The following ADAM11 variants were observed in gnomAD, a reference collection of about 807,000 sequenced individuals.
ADAM11 encodes the protein disintegrin and metalloproteinase domain-containing protein 11.
In ADAM11, 49 loss-of-function variants were observed where a neutral mutation model predicts 119.1. The ratio of observed to expected loss-of-function variants is 0.41; its 90% confidence interval spans 0.33 to 0.52. The LOEUF is 0.52. Ranked by LOEUF, ADAM11 falls within the 20% of genes least tolerant of loss-of-function variation. ADAM11 has a pLI of 0.20. For missense variants in ADAM11, 777 were observed against 1,047.5 expected, an observed-to-expected ratio of 0.74 and a Z score of 3.56; for synonymous variants, 364 against 408.0, an observed-to-expected ratio of 0.89 and a Z score of 1.30.
At chr17:44,765,610 CTTTT>C (rs748123040) in intron 2 of ADAM11, among the ~76,000 whole-genome samples, 448 of 99,856 alleles carry the variant, frequency 4.5e-3, no homozygotes, top group African/African-American at 0.017. Flanking sequence ...TTTCTTTTCT[CTTTT>C]TTTTTTTTTT....
In ADAM11 at chr17:44,775,139, C is replaced by A; in HGVS notation, c.1221-73C>A. ...GTGACGAAGTCCCCCAGTGTACCCC[C>A]TCCCCAGCCTTGAGAGGGGTGAGGG... On this transcript the variant is annotated intron_variant, in intron 14 of 26. Coordinates refer to ENST00000200557, the MANE Select transcript of ADAM11 (RefSeq NM_002390.6). The surrounding 1 kb of genome is among the most constrained non-coding windows in gnomAD (Gnocchi z 7.5). 7.7e-7 allele frequency: 1 copy of A among 1,306,428 alleles called. No individual in the cohort carries two copies. The highest frequency in any genetic ancestry group is 1.1e-6 in the Non-Finnish European group (1 of 912,080). 80.9% of individuals were successfully genotyped at this position (1,306,428 alleles called of 1,614,324 possible).
In ADAM11 at chr17:44,776,299, C is replaced by T. The variant is rs1176187456; in HGVS notation, c.1566+92C>T. 5 of 1,351,252 alleles carry T rather than the reference C, an allele frequency of 3.7e-6. No homozygotes were observed. Among genetic ancestry groups the T allele is most frequent in the East Asian group, 2.3e-5 (1 of 43,280 alleles). The allele number at this position is 1,351,252 out of a possible 1,614,324, so 83.7% of individuals were successfully genotyped here. A position where few individuals can be genotyped will look rare whatever the true frequency, so the allele number is the denominator to read the frequency against. On this transcript the variant is annotated intron_variant, in intron 18 of 26. Coordinates refer to ENST00000200557, the MANE Select transcript of ADAM11 (RefSeq NM_002390.6). This position sits in a 1 kb window ranked among gnomAD's most constrained non-coding sequence, Gnocchi z 5.2. Reference sequence around the variant, plus strand: ...TTCCCGGACGAGTGCTCAGCACTCCCCTCCTCTCCACAGCTGGCATCGACC... The same window carrying T: ...TTCCCGGACGAGTGCTCAGCACTCCTCTCCTCTCCACAGCTGGCATCGACC...
intron 2 of ADAM11, 60 bp from the exon 3 acceptor site, chr17:44,769,658 C>A (rs2049492599): frequency 2.4e-6 from 3 of 1,224,622 alleles, no homozygotes; most frequent in African/African-American, 3.0e-5. Flanking sequence ...CCGGGATCCC[C>A]CCGACTCCCA....
chr17:44,772,514 G>GAGACCTCGGGCTGC lies in ADAM11; in HGVS notation c.678+51_678+52insCCTCGGGCTGCAGA. 4 of 1,544,456 alleles carry GAGACCTCGGGCTGC rather than the reference G, an allele frequency of 2.6e-6. No homozygotes were observed. Among genetic ancestry groups the GAGACCTCGGGCTGC allele is most frequent in the Non-Finnish European group, 3.5e-6 (4 of 1,143,040 alleles). On this transcript the variant is annotated intron_variant, in intron 8 of 26. Coordinates refer to ENST00000200557, the MANE Select transcript of ADAM11 (RefSeq NM_002390.6). This position sits in a 1 kb window ranked among gnomAD's most constrained non-coding sequence, Gnocchi z 4.5. ...CGGGCTGCAGAGACCTCGGGCTGCA[G>GAGACCTCGGGCTGC]AGAGACCTCAGGCCGTGGCCCAGAG...
At chr17:44,766,487 T>C (rs1404925182) in intron 2 of ADAM11, among the ~76,000 whole-genome samples, 1 of 151,616 alleles carries the variant, frequency 6.6e-6, no homozygotes, top group East Asian at 1.9e-4. Flanking sequence ...TCTAGGAGAG[T>C]GGGTGGGCCA....
chr17:44,777,046 C>T lies in ADAM11; in HGVS notation c.1681+84C>T. 1 of 1,552,676 alleles carries T rather than the reference C, an allele frequency of 6.4e-7. No individual in the cohort carries two copies. Among genetic ancestry groups the T allele is most frequent in the Middle Eastern group, 2.3e-4 (1 of 4,418 alleles). ...GGAGAGTGGGTTCCAGCTGAACAGG[C>T]CCCCAAGTGTGTAGCTCCCCAGGAT... On this transcript the variant is annotated intron_variant, in intron 20 of 26. Coordinates refer to ENST00000200557, the MANE Select transcript of ADAM11 (RefSeq NM_002390.6). This position sits in a 1 kb window ranked among gnomAD's most constrained non-coding sequence, Gnocchi z 5.1.
chr17:44,780,319 A>C lies in ADAM11; in HGVS notation c.*565A>C, dbSNP rs1057475161. The stretch of plus-strand genomic sequence containing the variant: ...TATGGCCATGCCCTAGACCCTCCCC[A>C]AGGATGACCACACCCGAAGTCCTGT... On this transcript the variant is annotated 3_prime_UTR_variant, in exon 27 of 27. Coordinates refer to ENST00000200557, the MANE Select transcript of ADAM11 (RefSeq NM_002390.6). 2.8e-6 allele frequency: 1 copy of C among 362,668 alleles called. No homozygotes were observed. The highest frequency in any genetic ancestry group is 3.9e-5 in the Admixed American group (1 of 25,612). 22.5% of individuals were successfully genotyped at this position (362,668 alleles called of 1,614,324 possible). A position where few individuals can be genotyped will look rare whatever the true frequency, so the allele number is the denominator to read the frequency against.
At chr17:44,765,674 G>T (rs534552805) in intron 2 of ADAM11, among the ~76,000 whole-genome samples, 73 of 139,474 alleles carry the variant, frequency 5.2e-4, no homozygotes, top group Non-Finnish European at 8.0e-4. Flanking sequence ...AGGCTGGAGT[G>T]CAGTGGCACG....
rs928596340 is a variant in ADAM11, at chr17:44,773,821, C to T, written c.992+394C>T. Among the ~76,000 whole-genome samples the T allele has an allele frequency of 6.6e-6, 1 of 152,088 alleles. No individual in the cohort carries two copies. Among genetic ancestry groups the T allele is most frequent in the African/African-American group, 2.4e-5 (1 of 41,406 alleles). ...CAAAAGAACCCAAGGAGGGGCCAGG[C>T]GTGGTGGCTCATGCCTGTAATCTCA... On this transcript the variant is annotated intron_variant, in intron 11 of 26. Coordinates refer to ENST00000200557, the MANE Select transcript of ADAM11 (RefSeq NM_002390.6). The surrounding 1 kb of genome is among the most constrained non-coding windows in gnomAD (Gnocchi z 4.6).
In ADAM11 at chr17:44,779,806, A is replaced by G; in HGVS notation, c.*52A>G. On this transcript the variant is annotated 3_prime_UTR_variant, in exon 27 of 27. Transcript: ENST00000200557. ...GCACCCACCGTCTCGGCCCTGAACC[A>G]CGAGGCTGCCCCCATCCAGCCACGG... 1 of 1,607,108 alleles carries G rather than the reference A, an allele frequency of 6.2e-7. No individual in the cohort carries two copies. Among genetic ancestry groups the G allele is most frequent in the Non-Finnish European group, 8.5e-7 (1 of 1,174,626 alleles).
In ADAM11 at chr17:44,777,057, G is replaced by A; in HGVS notation, c.1681+95G>A. The A allele has an allele frequency of 1.3e-6, 2 of 1,548,794 alleles. No homozygotes were observed. The highest frequency in any genetic ancestry group is 2.4e-5 in the South Asian group (2 of 83,712). Reference sequence around the variant, plus strand: ...TCCAGCTGAACAGGCCCCCAAGTGTGTAGCTCCCCAGGATCTCAGGGACCC... The same window carrying A: ...TCCAGCTGAACAGGCCCCCAAGTGTATAGCTCCCCAGGATCTCAGGGACCC... On this transcript the variant is annotated intron_variant, in intron 20 of 26. Transcript: ENST00000200557. This position sits in a 1 kb window ranked among gnomAD's most constrained non-coding sequence, Gnocchi z 5.1.
chr17:44,778,213 C>T lies in ADAM11; in HGVS notation c.2247C>T (p.Ile749=), dbSNP rs1233978504. The part of the protein sequence containing the change: ...SIAGAVLVAA[I]VLGGTGWGFK... ...CTGGGGCTGTCCTGGTTGCAGCCAT[C>T]GTCCTGGGCGGCACGGGCTGGGGAT... Residue 749 remains isoleucine, a synonymous_variant, in exon 25 of 27, where the codon ATC becomes ATT. Coordinates refer to ENST00000200557, the MANE Select transcript of ADAM11 (RefSeq NM_002390.6). 3.1e-6 allele frequency: 5 copies of T among 1,613,474 alleles called. No homozygotes were observed. Among genetic ancestry groups the T allele is most frequent in the Non-Finnish European group, 4.2e-6 (5 of 1,179,776 alleles).
chr17:44,775,644 T>G lies in ADAM11; in HGVS notation c.1453T>G (p.Cys485Gly), dbSNP rs1253144843. 1 of 1,591,770 alleles carries G rather than the reference T, an allele frequency of 6.3e-7. No homozygotes were observed. Among genetic ancestry groups the G allele is most frequent in the Non-Finnish European group, 8.5e-7 (1 of 1,170,526 alleles). Residue 485 changes from cysteine (C) to glycine (G), a missense_variant, in exon 17 of 27, where the codon TGC (cysteine) becomes GGC (glycine). By Grantham distance (159) the Cys-to-Gly change is radical. This residue lies in a region of ADAM11 where 348 missense variants were observed against 486.7 expected (regional missense o/e 0.72). Coordinates refer to ENST00000200557, the MANE Select transcript of ADAM11 (RefSeq NM_002390.6). This position sits in a 1 kb window ranked among gnomAD's most constrained non-coding sequence, Gnocchi z 7.5. ...ATGCACCCTGACTCACGACGCCATGTGCAGCGACGGGCTCTGCTGTCGCCG... is the reference window on the plus strand; with the variant it reads ...ATGCACCCTGACTCACGACGCCATGGGCAGCGACGGGCTCTGCTGTCGCCG... ...KKCTLTHDAM[C>G]SDGLCCRRCK...
In ADAM11 at chr17:44,777,212, G is replaced by T. The variant is rs147273221; in HGVS notation, c.1728G>T (p.Thr576=). ...ACGAGAAGCTGAATGTGGAGGGGAC[G>T]GAGCGTGGGAGCTGTGGGCGCAAGG... ...FCYEKLNVEG[T]ERGSCGRKGS... The change falls in exon 21 of 27, where the codon ACG becomes ACT. Residue 576 remains threonine (T), a synonymous_variant. Transcript: ENST00000200557. This position sits in a 1 kb window ranked among gnomAD's most constrained non-coding sequence, Gnocchi z 5.1. 6.2e-7 allele frequency: 1 copy of T among 1,609,028 alleles called. No homozygotes were observed. Among genetic ancestry groups the T allele is most frequent in the Non-Finnish European group, 8.5e-7 (1 of 1,179,496 alleles).
chr17:44,780,851 C>G lies in ADAM11; in HGVS notation c.*1097C>G, dbSNP rs2049683469. 6.5e-6 allele frequency: 1 copy of G among 152,822 alleles called. No homozygotes were observed. The highest frequency in any genetic ancestry group is 2.4e-5 in the African/African-American group (1 of 41,440). 9.5% of individuals were successfully genotyped at this position (152,822 alleles called of 1,614,324 possible). A position where few individuals can be genotyped will look rare whatever the true frequency, so the allele number is the denominator to read the frequency against. On this transcript the variant is annotated 3_prime_UTR_variant, in exon 27 of 27. Coordinates refer to ENST00000200557, the MANE Select transcript of ADAM11 (RefSeq NM_002390.6). ...AAGGCCCCATCTAGTCCATTCCACT[C>G]CCTACCCCCATTCCAGAGCCGAGTA... is the stretch of plus-strand genomic sequence containing the variant.
rs2145257137 is a variant in ADAM11, at chr17:44,781,490, GT to G, written c.*1737del. The G allele has an allele frequency of 6.6e-6, 1 of 152,474 alleles. No individual in the cohort carries two copies. Among genetic ancestry groups the G allele is most frequent in the Admixed American group, 6.5e-5 (1 of 15,308 alleles). The allele number at this position is 152,474 out of a possible 1,614,324, so 9.4% of individuals were successfully genotyped here. ...GCTGCCTTAAGGCATCTGTCCTCTG[GT>G]GGTGCACCCGTGCACACAGGTACAG... On this transcript the variant is annotated 3_prime_UTR_variant, in exon 27 of 27. Coordinates refer to ENST00000200557, the MANE Select transcript of ADAM11 (RefSeq NM_002390.6).
intron 2 of ADAM11, among the ~76,000 whole-genome samples, chr17:44,762,957 T>G (rs1393739682): frequency 1.4e-5 from 2 of 141,564 alleles, no homozygotes; most frequent in Non-Finnish European, 3.1e-5. Flanking sequence ...ATAGTGAGAC[T>G]CCCGTCTCTA....
chr17:44,775,408 A>T lies in ADAM11; in HGVS notation c.1335A>T (p.Pro445=). 1 of 1,611,970 alleles carries T rather than the reference A, an allele frequency of 6.2e-7. No homozygotes were observed. The highest frequency in any genetic ancestry group is 8.5e-7 in the Non-Finnish European group (1 of 1,179,736). The change falls in exon 16 of 27, where the codon CCA becomes CCT. Residue 445 remains proline (P), a synonymous_variant. Transcript: ENST00000200557. This position sits in a 1 kb window ranked among gnomAD's most constrained non-coding sequence, Gnocchi z 7.5. The stretch of plus-strand genomic sequence containing the variant: ...TCCCGGTCCAGCTCCTGGACCCCCC[A>T]GAGTGCGGGAACGGCTTCGTGGAGG... ...FNKPLKLLDP[P]ECGNGFVEAG...
rs2049567325 is a variant in ADAM11, at chr17:44,774,241, C to T, written c.993-54C>T. On this transcript the variant is annotated intron_variant, in intron 11 of 26. Transcript: ENST00000200557. ...GGCTCCCCAAGGCCCCACCACCACC[C>T]GGGGAGCCACAGGGGAGGGCAGGAG... The T allele has an allele frequency of 4.8e-6, 6 of 1,240,562 alleles. No homozygotes were observed. The South Asian group carries it at 4.9e-5, about 10-fold the overall frequency. The allele number at this position is 1,240,562 out of a possible 1,614,324, so 76.8% of individuals were successfully genotyped here. A position where few individuals can be genotyped will look rare whatever the true frequency, so the allele number is the denominator to read the frequency against.
Sources: gnomAD v4.1 joint callset for allele counts (sites outside exome capture counted in the v4.1 genomes callset) on GRCh38, gnomAD v4.1.1 for gene constraint, gnomAD v4.1.1 regional missense constraint, Gnocchi (gnomAD v3.1) non-coding constraint, MANE v1.5 for transcripts, NCBI Gene and HGNC (gene_info 2026-07-23, HGNC 2026-07-21) for gene names.